Variants in DLG2 observed in about 807,000 individuals in gnomAD.
DLG2 encodes the protein discs large MAGUK scaffold protein 2.
In DLG2, 45 loss-of-function variants were observed where a neutral mutation model predicts 132.5. The ratio of observed to expected loss-of-function variants is 0.34; its 90% CI spans 0.27 to 0.44. DLG2 has a LOEUF of 0.44. Ranked by LOEUF, DLG2 falls within the 20% of genes least tolerant of loss-of-function variation. The probability of loss-of-function intolerance (pLI) is 1.00; values close to 1 mark genes in which losing one functional copy is unlikely to be tolerated. For missense variants in DLG2, 1,045 were observed against 1,196.9 expected, an observed-to-expected ratio of 0.87 and a Z score of 1.87; for synonymous variants, 424 against 419.6, an observed-to-expected ratio of 1.01 and a Z score of -0.13.
At chr11:84,523,064 T>A (rs1399881637) in intron 7 of DLG2, among the ~76,000 whole-genome samples, 1 of 152,196 alleles carries the variant, frequency 6.6e-6, no homozygotes, top group Non-Finnish European at 1.5e-5. Context: ...TGTTCTACAG[T>A]GTAAAACTAT....
At chr11:84,915,269 C>T (rs377703763) in intron 6 of DLG2, among the ~76,000 whole-genome samples, 1 of 151,574 alleles carries the variant, frequency 6.6e-6, no homozygotes, top group Non-Finnish European at 1.5e-5. Context: ...ATTTCCCCCC[C>T]CATTATTTTT....
intron 6 of DLG2, among the ~76,000 whole-genome samples, chr11:84,815,392 G>A (rs2076987537): frequency 6.6e-6 from 1 of 152,060 alleles, no homozygotes; most frequent in Non-Finnish European, 1.5e-5. Context: ...GAAGGTGTCA[G>A]TAATATCTGG....
chr11:85,140,757 G>A (rs1170896821), intron 5 of DLG2, among the ~76,000 whole-genome samples: 1 of 151,488 alleles, frequency 6.6e-6, no homozygotes, highest in Admixed American at 6.6e-5. Flanking sequence ...GCCTTAGGTA[G>A]CCATCATTAT....
intron 8 of DLG2, among the ~76,000 whole-genome samples, chr11:84,232,715 C>T (rs926777997): frequency 1.3e-5 from 2 of 152,190 alleles, no homozygotes; most frequent in African/African-American, 4.8e-5. Context: ...ACCATGCTGG[C>T]ACCCTGATCT....
In DLG2 at chr11:84,013,233, A is replaced by G. The variant is rs551929762; in HGVS notation, c.920-32591T>C. On this transcript the variant is annotated intron_variant, in intron 11 of 27. Transcript: ENST00000376104. ...GATTTTGAAGCCAGCTATTATAGCCACCTTATCTTCTTTGCTCTAAGTGAA... is the reference window on the plus strand; with the variant it reads ...GATTTTGAAGCCAGCTATTATAGCCGCCTTATCTTCTTTGCTCTAAGTGAA... Among the ~76,000 whole-genome samples the G allele has an allele frequency of 1.2e-4, 18 of 152,258 alleles. No homozygotes were observed. In the South Asian group the frequency reaches 2.7e-3, roughly 23 times the overall value.
intron 7 of DLG2, among the ~76,000 whole-genome samples, chr11:84,363,223 C>A (rs2098661179): frequency 6.6e-6 from 1 of 152,016 alleles, no homozygotes; most frequent in Admixed American, 6.6e-5. Context: ...GATATGATAT[C>A]TCATTGTGGT....
intron 7 of DLG2, among the ~76,000 whole-genome samples, chr11:84,309,494 G>A (rs1299544807): frequency 1.3e-5 from 2 of 152,214 alleles, no homozygotes; most frequent in African/African-American, 4.8e-5. Context: ...AAATGACCCT[G>A]AGCAATTCTC....
At chr11:84,839,235 C>T (rs1445301455) in intron 6 of DLG2, among the ~76,000 whole-genome samples, 2 of 152,072 alleles carry the variant, frequency 1.3e-5, no homozygotes, top group Non-Finnish European at 2.9e-5. Context: ...AGTGAATTCC[C>T]ATTCACAATT....
At position 84,159,549 on chromosome 11, in the gene DLG2, T is replaced by C. The variant is rs186697060; in HGVS notation, c.624+3912A>G. Among the ~76,000 whole-genome samples, 253 of 151,744 alleles carry C rather than the reference T, an allele frequency of 1.7e-3. 1 individual carries two copies. Among genetic ancestry groups the C allele is most frequent in the East Asian group, 5.8e-4 (3 of 5,146 alleles). ...AACGTCAAGGTCACCGTGGCTAGAG[T>C]GAAATTTATGAAGAGTTGGTGGTGA... On this transcript the variant is annotated intron_variant, in intron 9 of 27. Transcript: ENST00000376104.
intron 7 of DLG2, among the ~76,000 whole-genome samples, chr11:84,257,586 T>C (rs2097493391): frequency 6.6e-6 from 1 of 151,824 alleles, no homozygotes; most frequent in African/African-American, 2.4e-5. Flanking sequence ...AGCTGGTAAA[T>C]AGCTGGTAAA....
chr11:84,886,820 A>G (rs992161705), intron 6 of DLG2, among the ~76,000 whole-genome samples: 2 of 152,168 alleles, frequency 1.3e-5, no homozygotes, highest in East Asian at 1.9e-4. Flanking sequence ...CAAATTTTCA[A>G]TGCAAAAGAT....
chr11:85,035,783 AT>A lies in DLG2; in HGVS notation c.357+75877del, dbSNP rs200805903. Reference sequence around the variant, plus strand: ...ATCATAGAAACTTTGGCTGGGCCCGATGAGGCTACTGCCTTTGTTAGCTTTG... The same window carrying A: ...ATCATAGAAACTTTGGCTGGGCCCGAGAGGCTACTGCCTTTGTTAGCTTTG... On this transcript the variant is annotated intron_variant, in intron 6 of 27. Coordinates refer to ENST00000376104, the MANE Select transcript of DLG2 (RefSeq NM_001142699.3). Among the ~76,000 whole-genome samples, 72 of 152,308 alleles carry A rather than the reference AT, an allele frequency of 4.7e-4. No homozygotes were observed. In the East Asian group the frequency reaches 0.012, roughly 25 times the overall value.
intron 16 of DLG2, among the ~76,000 whole-genome samples, chr11:83,866,157 C>T (rs1025795124): frequency 6.6e-6 from 1 of 152,018 alleles, no homozygotes; most frequent in East Asian, 1.9e-4. Flanking sequence ...CATTTTCTCC[C>T]CCAGACTGAG....
At position 84,989,069 on chromosome 11, in the gene DLG2, C is replaced by T. The variant is rs1037980895; in HGVS notation, c.357+122592G>A. 2.0e-5 allele frequency among the ~76,000 whole-genome samples: 3 copies of T among 151,886 alleles called. No individual in the cohort carries two copies. In the East Asian group the frequency reaches 5.8e-4, roughly 29 times the overall value. On this transcript the variant is annotated intron_variant, in intron 6 of 27. Transcript: ENST00000376104. ...CATATTAGCAATGAACATGCAGACACAAAAATTAAAAATACACTATTTACA... is the reference window on the plus strand; with the variant it reads ...CATATTAGCAATGAACATGCAGACATAAAAATTAAAAATACACTATTTACA...
rs2093881488 is a variant in DLG2 at position 85,504,511 on chromosome 11, T to C, written c.40+94146A>G. Among the ~76,000 whole-genome samples the C allele has an allele frequency of 2.6e-5, 4 of 152,352 alleles. No homozygotes were observed. In the South Asian group the frequency reaches 8.3e-4, roughly 32 times the overall value. ...TTGTTTTTGTCAGGTTTATCAAATA[T>C]CAGATGGTTGTAGATGTGTGGTATT... On this transcript the variant is annotated intron_variant, in intron 3 of 27. Transcript: ENST00000376104.
intron 19 of DLG2, among the ~76,000 whole-genome samples, chr11:83,583,725 C>T (rs2097025518): frequency 6.6e-6 from 1 of 152,208 alleles, no homozygotes; most frequent in Non-Finnish European, 1.5e-5. Context: ...TTTAACTATT[C>T]TCTCACATCA....
chr11:85,322,507 T>C (rs514903), intron 3 of DLG2, among the ~76,000 whole-genome samples: 135,109 of 151,938 alleles, frequency 0.89, 60,361 homozygotes, highest in Non-Finnish European at 0.93. Flanking sequence ...GTGACTAATA[T>C]CAGCTGATAT....
At chr11:85,102,832 C>T (rs184767786) in intron 6 of DLG2, among the ~76,000 whole-genome samples, 25 of 152,034 alleles carry the variant, frequency 1.6e-4, no homozygotes, top group African/African-American at 5.3e-4. Context: ...AGAAGTAAAA[C>T]TTTCTCTATT....
intron 7 of DLG2, among the ~76,000 whole-genome samples, chr11:84,371,938 T>C (rs2098708409): frequency 6.6e-6 from 1 of 152,210 alleles, no homozygotes; most frequent in African/African-American, 2.4e-5. Context: ...AATCATAATA[T>C]TCTGAAATGG....
Sources: allele counts gnomAD v4.1 joint callset (sites outside exome capture counted in the v4.1 genomes callset), GRCh38; gene constraint gnomAD v4.1.1; transcripts MANE v1.5; gene names NCBI Gene and HGNC (gene_info 2026-07-23, HGNC 2026-07-21).